Variants in TERB2 observed in about 807,000 individuals in gnomAD.
The protein encoded by TERB2 is telomere repeat binding bouquet formation protein 2.
Under a neutral mutation model 29.8 loss-of-function variants are expected in TERB2, and 26 were observed. The observed-to-expected ratio is 0.87, with a 90% CI of 0.64 to 1.21. The LOEUF (loss-of-function observed/expected upper bound fraction) is 1.21, where lower values mean the gene tolerates loss of function less well. Ranked by LOEUF, TERB2 falls within the 50% of genes most tolerant of loss-of-function variation. The probability of loss-of-function intolerance (pLI) is 0.00; values close to 1 mark genes in which losing one functional copy is unlikely to be tolerated. For synonymous variants in TERB2, 80 were observed against 90.8 expected (o/e 0.88, Z 0.68); for missense variants, 240 against 268.6 (o/e 0.89, Z 0.74).
intron 5 of TERB2, among the ~76,000 whole-genome samples, chr15:44,973,204 T>C (rs1053617506): frequency 4.6e-5 from 7 of 152,222 alleles, no homozygotes; most frequent in East Asian, 3.8e-4. Flanking sequence ...TTATTTGTTA[T>C]AGTAAACTAT....
At chr15:44,964,956 G>T (rs1891859518) in intron 4 of TERB2, among the ~76,000 whole-genome samples, 1 of 151,838 alleles carries the variant, frequency 6.6e-6, no homozygotes, top group African/African-American at 2.4e-5. Context: ...GAGCTTGGGA[G>T]TTCAAAACCA....
Position 44,973,882 on chromosome 15 carries a change from T to C in TERB2, c.450T>C (p.Phe150=), listed in dbSNP as rs754370706. 3 of 1,595,130 alleles carry C rather than the reference T, an allele frequency of 1.9e-6. No individual in the cohort carries two copies. Among genetic ancestry groups the C allele is most frequent in the Non-Finnish European group, 2.6e-6 (3 of 1,169,348 alleles). Residue 150 remains phenylalanine, a synonymous_variant, in exon 6 of 7, where the codon TTT becomes TTC. Transcript: ENST00000340827. ...KELSKSPEKH[F]IRTPVVEKQM... ...TATTTTACAGCCCAGAAAAGCATTT[T>C]ATAAGAACTCCAGTTGTAGAAAAGC...
intron 3 of TERB2, 110 bp downstream of exon 3, chr15:44,958,622 A>T: frequency 1.7e-6 from 2 of 1,207,512 alleles, no homozygotes; most frequent in South Asian, 1.6e-5. Flanking sequence ...CATATTTTTG[A>T]ATTTTGTATC....
In TERB2 at chr15:44,956,696, ATC is replaced by A; in HGVS notation, c.-20_-19del. ...TCAGCTCTGCGGCCTCCTCTCTCACATCTCCACAGGCTTGGCGACGCCATGTT... is the reference window on the plus strand; with the variant it reads ...TCAGCTCTGCGGCCTCCTCTCTCACATCCACAGGCTTGGCGACGCCATGTT... On this transcript the variant is annotated 5_prime_UTR_variant, in exon 1 of 7. Coordinates refer to ENST00000340827, the MANE Select transcript of TERB2 (RefSeq NM_152448.3). The A allele has an allele frequency of 6.3e-7, 1 of 1,579,884 alleles. No individual in the cohort carries two copies. Among genetic ancestry groups the A allele is most frequent in the Non-Finnish European group, 8.6e-7 (1 of 1,164,772 alleles).
At chr15:44,972,458 G>T (rs1198526694) in intron 5 of TERB2, among the ~76,000 whole-genome samples, 1 of 151,154 alleles carries the variant, frequency 6.6e-6, no homozygotes, top group Non-Finnish European at 1.5e-5. Context: ...TGTCATTTTT[G>T]AATAGTGACT....
intron 6 of TERB2, 152 bp from the exon 7 acceptor site, chr15:44,978,337 G>A (rs760860348): frequency 1.8e-5 from 21 of 1,193,694 alleles, no homozygotes; most frequent in Non-Finnish European, 2.2e-5. Context: ...AAGGTTTCAT[G>A]GAGAATCTTC....
intron 6 of TERB2, among the ~76,000 whole-genome samples, chr15:44,976,497 A>T (rs1371921137): frequency 6.6e-6 from 1 of 152,212 alleles, no homozygotes; most frequent in Non-Finnish European, 1.5e-5. Flanking sequence ...AAATCCAAGA[A>T]TAAGAAAGAG....
chr15:44,960,454 T>G (rs1254270081), intron 3 of TERB2, among the ~76,000 whole-genome samples: 2 of 152,178 alleles, frequency 1.3e-5, no homozygotes, highest in Non-Finnish European at 2.9e-5. Context: ...CAGTGCACCA[T>G]GATCACCCCT....
At chr15:44,971,087 T>G (rs1304113435) in intron 5 of TERB2, 1 of 160,554 alleles carries the variant, frequency 6.2e-6, no homozygotes, top group African/African-American at 2.4e-5. Context: ...AAGCATCTCC[T>G]CAATATGTTG....
rs374445990 is a variant in TERB2 at position 44,974,284 on chromosome 15, C to G, written c.523+329C>G. Among the ~76,000 whole-genome samples, 3 of 152,118 alleles carry G rather than the reference C, an allele frequency of 2.0e-5. No homozygotes were observed. In the East Asian group the frequency reaches 5.8e-4, roughly 29 times the overall value. On this transcript the variant is annotated intron_variant, in intron 6 of 6. Coordinates refer to ENST00000340827, the MANE Select transcript of TERB2 (RefSeq NM_152448.3). ...CAGTTTGGAAGATAAATTATATGAA[C>G]AGCTCCAATCAGAGTTTCTTTTGAG...
intron 3 of TERB2, among the ~76,000 whole-genome samples, chr15:44,959,534 A>C (rs1048044899): frequency 1.3e-5 from 2 of 151,920 alleles, no homozygotes; most frequent in Admixed American, 1.3e-4. Flanking sequence ...CACCCGGCTA[A>C]TTTTTATATT....
chr15:44,961,567 C>G lies in TERB2; in HGVS notation c.331C>G (p.His111Asp). ...TAGTTTTATTTGGGAACAAGACCAA[C>G]ATTTTCTGATAGAAAAGGTAAGAGT... ...IGSFIWEQDQ[H>D]FLIEKHDEVT... Residue 111 changes from histidine to aspartate, a missense_variant, in exon 4 of 7, where the codon CAT becomes GAT. His to Asp is a moderately conservative substitution (Grantham distance 81). Coordinates refer to ENST00000340827, the MANE Select transcript of TERB2 (RefSeq NM_152448.3). 1 of 1,593,806 alleles carries G rather than the reference C, an allele frequency of 6.3e-7. No individual in the cohort carries two copies. Among genetic ancestry groups the G allele is most frequent in the South Asian group, 1.1e-5 (1 of 86,998 alleles).
At chr15:44,961,673 T>C in intron 4 of TERB2, 89 bp downstream of exon 4, 2 of 854,652 alleles carry the variant, frequency 2.3e-6, no homozygotes, top group East Asian at 2.7e-5. Context: ...ATTTGTGACA[T>C]GTTAGCACCA....
chr15:44,965,604 T>C (rs974859978), intron 4 of TERB2, among the ~76,000 whole-genome samples: 25 of 144,978 alleles, frequency 1.7e-4, no homozygotes, highest in Admixed American at 1.6e-3. Context: ...GATTTATATA[T>C]TTAATAGATA....
chr15:44,968,800 C>G (rs542863671), intron 5 of TERB2, among the ~76,000 whole-genome samples: 2 of 152,044 alleles, frequency 1.3e-5, no homozygotes, highest in African/African-American at 2.4e-5. Flanking sequence ...CTTCCATGAA[C>G]ATCTTTTTAA....
intron 3 of TERB2, among the ~76,000 whole-genome samples, chr15:44,960,121 C>T (rs912334192): frequency 3.9e-5 from 6 of 152,102 alleles, no homozygotes; most frequent in Admixed American, 1.3e-4. Flanking sequence ...TTTATCACTC[C>T]TATTTACTTA....
intron 6 of TERB2, among the ~76,000 whole-genome samples, chr15:44,977,467 C>T (rs1163069075): frequency 6.6e-6 from 1 of 152,170 alleles, no homozygotes; most frequent in Admixed American, 6.5e-5. Context: ...ATTAACTAAA[C>T]ACTAATAGTG....
intron 5 of TERB2, among the ~76,000 whole-genome samples, chr15:44,971,507 G>T (rs986746895): frequency 6.6e-6 from 1 of 152,254 alleles, no homozygotes; most frequent in East Asian, 1.9e-4. Context: ...TGTAATCCCA[G>T]CACTTTGGGA....
Position 44,978,771 on chromosome 15 carries a change from A to G in TERB2, c.*143A>G. ...GTTTCTCAAAGTATATCTTTAGGAA[A>G]TACAGAATCATTTTGGTTCTGTGTT... On this transcript the variant is annotated 3_prime_UTR_variant, in exon 7 of 7. Coordinates refer to ENST00000340827, the MANE Select transcript of TERB2 (RefSeq NM_152448.3). 1 of 1,120,948 alleles carries G rather than the reference A, an allele frequency of 8.9e-7. No homozygotes were observed. Among genetic ancestry groups the G allele is most frequent in the African/African-American group, 1.6e-5 (1 of 62,822 alleles). The allele number at this position is 1,120,948 out of a possible 1,614,324, so 69.4% of individuals were successfully genotyped here.
Sources: gnomAD v4.1 joint callset for allele counts (sites outside exome capture counted in the v4.1 genomes callset) on GRCh38, gnomAD v4.1.1 for gene constraint, MANE v1.5 for transcripts, NCBI Gene and HGNC (gene_info 2026-07-23, HGNC 2026-07-21) for gene names.